MYO18B: variants seen among roughly 807,000 people sequenced by gnomAD.
MYO18B encodes unconventional myosin-XVIIIb.
MYO18B carries 204 observed loss-of-function variants against 273.0 expected under a neutral mutation model. That is an observed-to-expected ratio of 0.75 (90% CI 0.67 to 0.84). The LOEUF is 0.84. MYO18B is among the 40% of genes least tolerant of loss of function. The pLI is 0.00. For missense variants in MYO18B, 3,212 were observed against 3,287.6 expected, an observed-to-expected ratio of 0.98 and a Z score of 0.56; for synonymous variants, 1,330 against 1,305.7, an observed-to-expected ratio of 1.02 and a Z score of -0.40.
In MYO18B at chr22:25,760,902, C is replaced by T. The variant is rs1251974558; in HGVS notation, c.-109-82C>T. The T allele has an allele frequency of 2.7e-5, 17 of 637,236 alleles. No individual in the cohort carries two copies. The East Asian group carries it at 3.0e-4, about 11-fold the overall frequency. The allele number at this position is 637,236 out of a possible 1,614,324, so 39.5% of individuals were successfully genotyped here. On this transcript the variant is annotated intron_variant, in intron 1 of 43. Coordinates refer to ENST00000335473, the MANE Select transcript of MYO18B (RefSeq NM_032608.7). ...TCCCCCATGTGGTCTTGGTTTATGG[C>T]GTTGGTGGGGGTGGGAGTAGGGCTG...
At chr22:25,841,947 G>T (rs562381316) in intron 17 of MYO18B, among the ~76,000 whole-genome samples, 1 of 152,364 alleles carries the variant, frequency 6.6e-6, no homozygotes, top group Non-Finnish European at 1.5e-5. Flanking sequence ...CCCATTGGAA[G>T]GGGACTTTCT....
At chr22:26,046,167 T>C in the MYO18B span, among the ~76,000 whole-genome samples, 1 of 152,086 alleles carries the variant, frequency 6.6e-6, no homozygotes, top group South Asian at 2.1e-4. Context: ...GGTTAGGGGA[T>C]GGGGGAGATT....
chr22:25,974,966 G>A (rs566816396), intron 39 of MYO18B, among the ~76,000 whole-genome samples: 2 of 152,326 alleles, frequency 1.3e-5, no homozygotes, highest in African/African-American at 4.8e-5. Context: ...AAAGAGCCAT[G>A]TCCCAGAGTT....
At chr22:25,837,694 A>C (rs922968309) in intron 17 of MYO18B, among the ~76,000 whole-genome samples, 2 of 152,130 alleles carry the variant, frequency 1.3e-5, no homozygotes, top group Non-Finnish European at 2.9e-5. Context: ...CTAACCAGTG[A>C]AGCAGCAACA....
intron 39 of MYO18B, among the ~76,000 whole-genome samples, chr22:25,977,114 C>T (rs1219957231): frequency 2.0e-5 from 3 of 152,076 alleles, no homozygotes; most frequent in Admixed American, 6.6e-5. Flanking sequence ...CTGGGGAATC[C>T]AAACAGATGT....
intron 1 of MYO18B, among the ~76,000 whole-genome samples, chr22:25,759,018 T>C (rs1005485330): frequency 5.9e-5 from 9 of 152,118 alleles, no homozygotes; most frequent in Non-Finnish European, 1.3e-4. Context: ...CCTCCCAAAG[T>C]ACTGGGATTA....
chr22:25,750,972 G>T (rs2085915347), intron 1 of MYO18B, among the ~76,000 whole-genome samples: 2 of 152,212 alleles, frequency 1.3e-5, no homozygotes, highest in Admixed American at 1.3e-4. Flanking sequence ...TGTGAGCTCA[G>T]CCTCTAAAGT....
At chr22:25,751,347 G>A (rs1050731986) in intron 1 of MYO18B, among the ~76,000 whole-genome samples, 2 of 152,214 alleles carry the variant, frequency 1.3e-5, no homozygotes, top group Non-Finnish European at 2.9e-5. Context: ...GCCCTGTGCT[G>A]TGACTAACAC....
intron 39 of MYO18B, among the ~76,000 whole-genome samples, chr22:25,966,269 T>C (rs1357136039): frequency 6.6e-6 from 1 of 152,208 alleles, no homozygotes; most frequent in Non-Finnish European, 1.5e-5. Flanking sequence ...TTTTTGTTTT[T>C]TCATTTGCTT....
chr22:25,947,399 G>GTGCACACATAGATTCCCAAT (rs2092724394), intron 35 of MYO18B, among the ~76,000 whole-genome samples: 1 of 151,200 alleles, frequency 6.6e-6, no homozygotes. Context: ...CATTTAAAAT[G>GTGCACACATAGATTCCCAAT]TGCACACATA....
intron 34 of MYO18B, among the ~76,000 whole-genome samples, chr22:25,938,937 C>A (rs945143619): frequency 6.6e-6 from 1 of 152,126 alleles, no homozygotes; most frequent in African/African-American, 2.4e-5. Flanking sequence ...CCTGTCTCAC[C>A]CTCCTGGGTA....
rs537682927 is a variant in MYO18B, at chr22:25,798,438, T to C, written c.2521+341T>C. On this transcript the variant is annotated intron_variant, in intron 12 of 43. Transcript: ENST00000335473. Reference sequence around the variant, plus strand: ...AATTTTTAATTGTATTTAATTCTACTTAATTTAAATTTAAGTAGTCATAGG... The same window carrying C: ...AATTTTTAATTGTATTTAATTCTACCTAATTTAAATTTAAGTAGTCATAGG... Among the ~76,000 whole-genome samples, 5 of 152,346 alleles carry C rather than the reference T, an allele frequency of 3.3e-5. No individual in the cohort carries two copies. In the South Asian group the frequency reaches 1.0e-3, roughly 32 times the overall value.
At chr22:26,029,197 T>C (rs1267788605) in intron 43 of MYO18B, among the ~76,000 whole-genome samples, 2 of 152,174 alleles carry the variant, frequency 1.3e-5, no homozygotes, top group Non-Finnish European at 2.9e-5. Flanking sequence ...TTCGTAAATC[T>C]CCCAGTCACT....
At chr22:25,842,808 TAATC>T (rs1226355850) in intron 17 of MYO18B, among the ~76,000 whole-genome samples, 1 of 152,142 alleles carries the variant, frequency 6.6e-6, no homozygotes, top group Non-Finnish European at 1.5e-5. Flanking sequence ...ATTAATTAAT[TAATC>T]CATGCATTCA....
At chr22:25,948,517 C>CTTCT (rs2092752353) in intron 36 of MYO18B, among the ~76,000 whole-genome samples, 3 of 5,486 alleles carry the variant, frequency 5.5e-4, no homozygotes, top group Admixed American at 3.4e-3. Context: ...TTTCTCTTTC[C>CTTCT]TTCTTTCTTT....
At chr22:25,799,095 TA>T (rs1186331778) in intron 12 of MYO18B, among the ~76,000 whole-genome samples, 1 of 151,820 alleles carries the variant, frequency 6.6e-6, no homozygotes, top group African/African-American at 2.4e-5. Context: ...CTAGTTTCTC[TA>T]TCCTTACTGT....
intron 39 of MYO18B, chr22:25,964,357 A>C (rs2092954178): frequency 6.6e-6 from 1 of 152,226 alleles, no homozygotes; most frequent in Non-Finnish European, 1.5e-5. Flanking sequence ...CAGGTGAAGC[A>C]ATTTCTCCAA....
chr22:25,798,105 C>T lies in MYO18B; in HGVS notation c.2521+8C>T. On this transcript the variant is annotated splice_region_variant and intron_variant, in intron 12 of 43. Transcript: ENST00000335473. ...CGGCGGGGGCCTGCAAAGGTACGTCCTTCCTGCCGGGCTCACCTGGGAGGG... is the reference window on the plus strand; with the variant it reads ...CGGCGGGGGCCTGCAAAGGTACGTCTTTCCTGCCGGGCTCACCTGGGAGGG... 1.3e-6 allele frequency: 2 copies of T among 1,597,614 alleles called. No homozygotes were observed. Among genetic ancestry groups the T allele is most frequent in the Non-Finnish European group, 1.7e-6 (2 of 1,168,350 alleles).
intron 39 of MYO18B, among the ~76,000 whole-genome samples, chr22:25,984,803 GAAA>G (rs59242717): frequency 7.0e-6 from 1 of 143,696 alleles, no homozygotes; most frequent in Non-Finnish European, 1.5e-5. Flanking sequence ...CCATCTCTAA[GAAA>G]AAAAAAAAAG....
Sources: gnomAD v4.1 joint callset for allele counts (sites outside exome capture counted in the v4.1 genomes callset) on GRCh38, gnomAD v4.1.1 for gene constraint, MANE v1.5 for transcripts, NCBI Gene and HGNC (gene_info 2026-07-23, HGNC 2026-07-21) for gene names.